The following QKI variants were observed in gnomAD, a reference collection of about 807,000 sequenced individuals.
QKI encodes KH domain-containing RNA-binding protein QKI.
Under a neutral mutation model 39.0 loss-of-function variants are expected in QKI, and 10 were observed. The observed-to-expected ratio is 0.26, with a 90% CI of 0.16 to 0.43. The LOEUF is 0.43. Among genes scored for constraint, QKI ranks in the 20% least tolerant of loss-of-function variants. The pLI is 1.00. For synonymous variants in QKI, 204 were observed against 155.4 expected, an observed-to-expected ratio of 1.31 and a Z score of -2.33; for missense variants, 218 against 428.0, an observed-to-expected ratio of 0.51 and a Z score of 4.33.
At chr6:163,464,456 C>G (rs1238693230) in intron 2 of QKI, among the ~76,000 whole-genome samples, 2 of 151,840 alleles carry the variant, frequency 1.3e-5, no homozygotes, top group East Asian at 1.9e-4. Flanking sequence ...ATTGACAGAC[C>G]TTTAGTTGGA....
intron 3 of QKI, among the ~76,000 whole-genome samples, chr6:163,492,198 A>G (rs1479947351): frequency 6.6e-6 from 1 of 152,200 alleles, no homozygotes; most frequent in Non-Finnish European, 1.5e-5. Context: ...TCAGTCTAAT[A>G]TATTAACAAC....
chr6:163,558,404 CT>C (rs964172716), intron 4 of QKI, among the ~76,000 whole-genome samples: 402 of 135,546 alleles, frequency 3.0e-3, no homozygotes, highest in African/African-American at 7.3e-3. Context: ...TTTTCTTTTT[CT>C]TTTTTTTTTT....
chr6:163,525,418 G>GCCTC (rs1780440004), intron 3 of QKI, among the ~76,000 whole-genome samples: 2 of 145,916 alleles, frequency 1.4e-5, no homozygotes, highest in African/African-American at 5.2e-5. Flanking sequence ...GAGTGCAGTG[G>GCCTC]CACAGTCTTG....
intron 4 of QKI, among the ~76,000 whole-genome samples, chr6:163,544,699 A>G (rs543544308): frequency 5.3e-5 from 8 of 152,214 alleles, no homozygotes; most frequent in African/African-American, 1.9e-4. Flanking sequence ...AGGTCTTAAC[A>G]TTGTCAAGCC....
chr6:163,550,925 C>T (rs1000149940), intron 4 of QKI, among the ~76,000 whole-genome samples: 22 of 140,404 alleles, frequency 1.6e-4, no homozygotes, highest in South Asian at 2.3e-4. Context: ...TCTGCCTGGG[C>T]GACAGAGCAA....
intron 6 of QKI, chr6:163,566,315 GA>G: frequency 8.4e-7 from 1 of 1,194,028 alleles, no homozygotes; most frequent in South Asian, 2.2e-5. Context: ...CTTTTTAAGT[GA>G]TAAACTCTTG....
intron 1 of QKI, among the ~76,000 whole-genome samples, chr6:163,428,598 C>T (rs2475390): frequency 0.92 from 139,489 of 152,198 alleles, 64,016 homozygotes; most frequent in East Asian, 0.98. Context: ...ATACTGTTAG[C>T]TTTTTTAGTA....
intron 2 of QKI, among the ~76,000 whole-genome samples, chr6:163,463,768 G>C (rs1358285980): frequency 1.3e-5 from 2 of 152,118 alleles, no homozygotes; most frequent in Non-Finnish European, 2.9e-5. Context: ...TTTATGACAA[G>C]AGCAGAAGAC....
At chr6:163,438,480 A>G (rs1280275727) in intron 1 of QKI, among the ~76,000 whole-genome samples, 1 of 152,186 alleles carries the variant, frequency 6.6e-6, no homozygotes, top group Non-Finnish European at 1.5e-5. Context: ...ATAAATCTAG[A>G]TGGTATAGCC....
chr6:163,491,346 G>A (rs879281632), intron 3 of QKI, among the ~76,000 whole-genome samples: 2 of 152,170 alleles, frequency 1.3e-5, no homozygotes, highest in Admixed American at 6.5e-5. Context: ...TTCTGTACTT[G>A]TAGGCTGCAC....
chr6:163,425,220 G>A (rs1476356859), intron 1 of QKI, among the ~76,000 whole-genome samples: 3 of 152,168 alleles, frequency 2.0e-5, no homozygotes, highest in Non-Finnish European at 4.4e-5. Context: ...GATGTTCCAG[G>A]AGAAGGGAAG....
chr6:163,488,329 CA>C (rs1278631126), intron 3 of QKI, among the ~76,000 whole-genome samples: 7 of 146,792 alleles, frequency 4.8e-5, no homozygotes, highest in East Asian at 2.0e-4. Context: ...CAAAAAGTGA[CA>C]AAAAAAAAGA....
intron 2 of QKI, among the ~76,000 whole-genome samples, chr6:163,463,997 A>T (rs1206061642): frequency 6.6e-6 from 1 of 152,042 alleles, no homozygotes; most frequent in Non-Finnish European, 1.5e-5. Context: ...TCATCCCACA[A>T]TATTGAGCTG....
At position 163,577,697 on chromosome 6, in the gene QKI, C is replaced by T. The variant is rs1382368512; in HGVS notation, c.*6987C>T. On this transcript the variant is annotated 3_prime_UTR_variant, in exon 8 of 8. Coordinates refer to ENST00000361752, the MANE Select transcript of QKI (RefSeq NM_006775.3). ...TCCTGTGGATATCTGTGCTTGTTTC[C>T]TGGTCCAGGATGGTGATCTGACTTT... The T allele has an allele frequency of 2.0e-5, 3 of 152,338 alleles. No individual in the cohort carries two copies. Among genetic ancestry groups the T allele is most frequent in the Non-Finnish European group, 4.4e-5 (3 of 68,058 alleles). 9.4% of individuals were successfully genotyped at this position (152,338 alleles called of 1,614,324 possible).
At chr6:163,442,305 AT>A (rs1345436310) in intron 1 of QKI, among the ~76,000 whole-genome samples, 1 of 152,248 alleles carries the variant, frequency 6.6e-6, no homozygotes, top group East Asian at 1.9e-4. Context: ...TGAAAAAATA[AT>A]TTAAACATTT....
intron 1 of QKI, among the ~76,000 whole-genome samples, chr6:163,426,725 A>T (rs1052536008): frequency 6.6e-6 from 1 of 152,188 alleles, no homozygotes; most frequent in Admixed American, 6.6e-5. Flanking sequence ...ACGGAAATAC[A>T]TTGCGATTTT....
intron 3 of QKI, among the ~76,000 whole-genome samples, chr6:163,506,501 G>A (rs1452119389): frequency 6.6e-6 from 1 of 152,112 alleles, no homozygotes; most frequent in African/African-American, 2.4e-5. Flanking sequence ...TGTGATATCT[G>A]GAAAATCTCC....
At chr6:163,458,340 G>C (rs150077706) in intron 2 of QKI, among the ~76,000 whole-genome samples, 1 of 152,306 alleles carries the variant, frequency 6.6e-6, no homozygotes, top group Non-Finnish European at 1.5e-5. Flanking sequence ...GTTAATATGA[G>C]TGAAGCAGTT....
intron 3 of QKI, among the ~76,000 whole-genome samples, chr6:163,491,390 CGTG>C (rs1338193526): frequency 6.6e-6 from 1 of 152,250 alleles, no homozygotes; most frequent in South Asian, 2.1e-4. Context: ...CCAACTGTGA[CGTG>C]GTATGTTTGT....
Sources: gnomAD v4.1 joint callset for allele counts (sites outside exome capture counted in the v4.1 genomes callset) on GRCh38, gnomAD v4.1.1 for gene constraint, MANE v1.5 for transcripts, NCBI Gene and HGNC (gene_info 2026-07-23, HGNC 2026-07-21) for gene names.